Variants in EZH2 observed in about 807,000 individuals in gnomAD.
EZH2 encodes the protein histone-lysine N-methyltransferase EZH2.
In EZH2, 18 loss-of-function variants were observed where a neutral mutation model predicts 98.4. The observed-to-expected ratio is 0.18, with a 90% CI of 0.13 to 0.27. The LOEUF (loss-of-function observed/expected upper bound fraction) is 0.27, where lower values mean the gene tolerates loss of function less well. EZH2 is among the 10% of genes least tolerant of loss of function. The probability of loss-of-function intolerance (pLI) is 1.00; values close to 1 mark genes in which losing one functional copy is unlikely to be tolerated. For missense variants in EZH2, 470 were observed against 935.1 expected, an observed-to-expected ratio of 0.50 and a Z score of 6.49; for synonymous variants, 338 against 312.3, an observed-to-expected ratio of 1.08 and a Z score of -0.87.
rs764991532 is a variant in EZH2 at position 148,816,789 on chromosome 7, GCA to G, written c.1411-13_1411-12del. 5.6e-6 allele frequency: 9 copies of G among 1,601,696 alleles called. No individual in the cohort carries two copies. The African/African-American group carries it at 9.4e-5, about 17-fold the overall frequency. ...TCTAAACTCATACACCTGACAAGAG[GCA>G]CAGTCACAGAGCCATGAGGACAGTC... On this transcript the variant is annotated splice_polypyrimidine_tract_variant and intron_variant, in intron 11 of 19. Transcript: ENST00000320356.
intron 15 of EZH2, among the ~76,000 whole-genome samples, chr7:148,813,330 TAA>T (rs11357223): frequency 1.6e-3 from 240 of 145,986 alleles, no homozygotes; most frequent in African/African-American, 2.7e-3. Flanking sequence ...TCATCTGCCC[TAA>T]AAAAAAAAAA....
At position 148,817,366 on chromosome 7, in the gene EZH2, T is replaced by G; in HGVS notation, c.1266A>C (p.Pro422=). 6.2e-7 allele frequency: 1 copy of G among 1,613,692 alleles called. No homozygotes were observed. The highest frequency in any genetic ancestry group is 8.5e-7 in the Non-Finnish European group (1 of 1,179,942). The part of the protein sequence containing the change: ...SSEANSRCQT[P]IKMKPNIEPP... ...GTTCAATATTTGGCTTCATCTTTAT[T>G]GGTGTTTGACACCGAGAATTTGCTT... Residue 422 remains proline (P), a synonymous_variant, in exon 11 of 20, where the codon CCA becomes CCC. Coordinates refer to ENST00000320356, the MANE Select transcript of EZH2 (RefSeq NM_004456.5).
intron 14 of EZH2, 36 bp from the exon 15 acceptor site, chr7:148,814,173 C>G (rs1487607502): frequency 6.3e-7 from 1 of 1,597,844 alleles, no homozygotes; most frequent in East Asian, 2.2e-5. Flanking sequence ...TCACTCATCA[C>G]CGTATGCAAA....
intron 1 of EZH2, among the ~76,000 whole-genome samples, chr7:148,857,895 A>T (rs1291458238): frequency 6.6e-6 from 1 of 152,104 alleles, no homozygotes; most frequent in Non-Finnish European, 1.5e-5. Flanking sequence ...GTGATAACAG[A>T]AACAAATTTT....
intron 3 of EZH2, among the ~76,000 whole-genome samples, chr7:148,835,409 G>A (rs1217138893): frequency 2.0e-5 from 3 of 150,194 alleles, no homozygotes; most frequent in East Asian, 1.9e-4. Flanking sequence ...GGGTGACGAC[G>A]GGAGACCCCG....
At chr7:148,826,376 T>C in intron 8 of EZH2, 78 bp downstream of exon 8, 3 of 1,083,106 alleles carry the variant, frequency 2.8e-6, no homozygotes, top group Non-Finnish European at 3.7e-6. Context: ...TGATAAATTC[T>C]AGTTGTAATA....
At chr7:148,883,124 A>C (rs1183134877) in intron 1 of EZH2, 1 of 152,200 alleles carries the variant, frequency 6.6e-6, no homozygotes, top group African/African-American at 2.4e-5. Flanking sequence ...CCATTCTCAG[A>C]TGTATCACAC....
intron 1 of EZH2, among the ~76,000 whole-genome samples, chr7:148,850,163 T>C (rs1216922019): frequency 6.6e-6 from 1 of 151,990 alleles, no homozygotes; most frequent in African/African-American, 2.4e-5. Context: ...GGACTACCGG[T>C]GCCCGCCACC....
chr7:148,817,464 C>G, intron 10 of EZH2, 73 bp from the exon 11 acceptor site: 4 of 1,486,872 alleles, frequency 2.7e-6, no homozygotes, highest in Non-Finnish European at 3.6e-6. Context: ...TCAGGGTGTG[C>G]TTAAGAAAAA....
intron 1 of EZH2, among the ~76,000 whole-genome samples, chr7:148,854,000 A>G (rs1236162807): frequency 1.3e-5 from 2 of 152,196 alleles, no homozygotes; most frequent in Non-Finnish European, 2.9e-5. Flanking sequence ...AGTCCAAGGA[A>G]TCAGCACTGT....
chr7:148,874,324 G>A (rs956160075), intron 1 of EZH2, among the ~76,000 whole-genome samples: 5 of 152,102 alleles, frequency 3.3e-5, no homozygotes, highest in African/African-American at 9.7e-5. Flanking sequence ...GGAGGTGGAG[G>A]TTGCAGTAAG....
At position 148,819,665 on chromosome 7, in the gene EZH2, A is replaced by C. The variant is rs754379530; in HGVS notation, c.930T>G (p.Thr310=). The C allele has an allele frequency of 2.7e-5, 43 of 1,614,042 alleles. No homozygotes were observed. The highest frequency in any genetic ancestry group is 1.9e-5 in the Non-Finnish European group (22 of 1,179,990). The change falls in exon 9 of 20, where the codon ACT becomes ACG. Residue 310 remains threonine, a synonymous_variant. Coordinates refer to ENST00000320356, the MANE Select transcript of EZH2 (RefSeq NM_004456.5). ...CTGTTTCTGTGTTCTTCCGCTTATA[A>C]GTGTTGGGTGTTGCATGAAAAGCTG... The part of the protein sequence containing the change: ...CNYSFHATPN[T]YKRKNTETAL...
chr7:148,862,245 A>T (rs1817781599), intron 1 of EZH2, among the ~76,000 whole-genome samples: 1 of 152,206 alleles, frequency 6.6e-6, no homozygotes, highest in South Asian at 2.1e-4. Flanking sequence ...ACTTTAAATG[A>T]ATCTTTAACT....
intron 6 of EZH2, among the ~76,000 whole-genome samples, chr7:148,828,504 G>T (rs1277325940): frequency 6.6e-6 from 1 of 151,734 alleles, no homozygotes; most frequent in African/African-American, 2.4e-5. Flanking sequence ...TGCCCAGGTT[G>T]GTCTTGAACT....
At chr7:148,867,152 C>A (rs1053873687) in intron 1 of EZH2, among the ~76,000 whole-genome samples, 1 of 151,684 alleles carries the variant, frequency 6.6e-6, no homozygotes, top group East Asian at 2.0e-4. Flanking sequence ...CATGGTGAAA[C>A]CCTGTCTCTA....
At chr7:148,850,983 A>G (rs112128981) in intron 1 of EZH2, among the ~76,000 whole-genome samples, 1 of 152,216 alleles carries the variant, frequency 6.6e-6, no homozygotes, top group Non-Finnish European at 1.5e-5. Context: ...TAACATTTTC[A>G]GACTGCAGTT....
intron 1 of EZH2, chr7:148,883,438 G>A (rs1019806803): frequency 6.6e-6 from 1 of 152,386 alleles, no homozygotes; most frequent in African/African-American, 2.4e-5. Context: ...GGAGCTCAGG[G>A]GGATTTCGGG....
chr7:148,820,291 C>T (rs1805646032), intron 8 of EZH2, among the ~76,000 whole-genome samples: 2 of 152,032 alleles, frequency 1.3e-5, no homozygotes, highest in African/African-American at 2.4e-5. Flanking sequence ...ACCTAAAATT[C>T]CAAAATAATG....
Position 148,807,767 on chromosome 7 carries a change from TAACAC to T in EZH2, c.2196-66_2196-62del, listed in dbSNP as rs769357435. The T allele has an allele frequency of 1.9e-3, 2,095 of 1,112,590 alleles. 7 individuals are homozygous for T. The highest frequency in any genetic ancestry group is 3.8e-3 in the Admixed American group (188 of 49,312). The allele number at this position is 1,112,590 out of a possible 1,614,324, so 68.9% of individuals were successfully genotyped here. A position where few individuals can be genotyped will look rare whatever the true frequency, so the allele number is the denominator to read the frequency against. ...CACCCATCCAACATGTGCTGAGACT[TAACAC>T]AACAAAGCCTGCTGAAGATAGTGGG... is the stretch of plus-strand genomic sequence containing the variant. On this transcript the variant is annotated intron_variant, in intron 19 of 19. Coordinates refer to ENST00000320356, the MANE Select transcript of EZH2 (RefSeq NM_004456.5).
Sources: gnomAD v4.1 joint callset for allele counts (sites outside exome capture counted in the v4.1 genomes callset) on GRCh38, gnomAD v4.1.1 for gene constraint, MANE v1.5 for transcripts, NCBI Gene and HGNC (gene_info 2026-07-23, HGNC 2026-07-21) for gene names.